Variants in CRTAC1 observed in about 807,000 individuals in gnomAD.
The protein encoded by CRTAC1 is acidic secreted protein in cartilage.
Under a neutral mutation model 67.8 loss-of-function variants are expected in CRTAC1, and 37 were observed. The observed-to-expected ratio is 0.55, with a 90% CI of 0.42 to 0.72. CRTAC1 has a LOEUF of 0.72. Ranked by LOEUF, CRTAC1 falls within the 30% of genes least tolerant of loss-of-function variation. The pLI, the probability that CRTAC1 is intolerant of heterozygous loss-of-function variation, is 0.00. For missense variants in CRTAC1, 780 were observed against 931.6 expected (o/e 0.84, Z 2.12); for synonymous variants, 348 against 371.0 (o/e 0.94, Z 0.71).
chr10:97,980,073 C>A (rs79741233), intron 2 of CRTAC1, among the ~76,000 whole-genome samples: 4,936 of 152,232 alleles, frequency 0.032, 102 homozygotes, highest in Non-Finnish European at 0.046. Context: ...TCTAGCTCTG[C>A]AGTTTAAAGC....
chr10:97,914,770 G>A (rs559848191), intron 5 of CRTAC1, among the ~76,000 whole-genome samples: 19 of 152,274 alleles, frequency 1.2e-4, no homozygotes, highest in Non-Finnish European at 2.2e-4. Flanking sequence ...GGCAGCTCCC[G>A]GCACTGTCCC....
intron 11 of CRTAC1, among the ~76,000 whole-genome samples, chr10:97,886,007 C>T (rs928324762): frequency 2.0e-5 from 3 of 152,106 alleles, no homozygotes; most frequent in Admixed American, 6.5e-5. Flanking sequence ...ATGGGGTGGA[C>T]GGTAGTTGGC....
intron 2 of CRTAC1, among the ~76,000 whole-genome samples, chr10:97,961,807 G>C (rs1318809382): frequency 2.0e-5 from 3 of 152,204 alleles, no homozygotes; most frequent in African/African-American, 7.2e-5. Context: ...GGCCACGGTG[G>C]GAGGATTGCT....
intron 2 of CRTAC1, among the ~76,000 whole-genome samples, chr10:97,951,275 G>A (rs1333967779): frequency 6.6e-6 from 1 of 152,194 alleles, no homozygotes; most frequent in African/African-American, 2.4e-5. Flanking sequence ...GCTAGTGGGG[G>A]TAGGACTGGC....
intron 14 of CRTAC1, among the ~76,000 whole-genome samples, chr10:97,872,698 G>A (rs1361412102): frequency 6.6e-6 from 1 of 152,192 alleles, no homozygotes; most frequent in African/African-American, 2.4e-5. Context: ...TCAGAGATGA[G>A]CGAGAGGCCT....
At chr10:97,900,433 T>C (rs1218765532) in intron 8 of CRTAC1, among the ~76,000 whole-genome samples, 3 of 152,168 alleles carry the variant, frequency 2.0e-5, no homozygotes, top group African/African-American at 7.2e-5. Flanking sequence ...AAACCTGTAT[T>C]TACTTGGACC....
intron 2 of CRTAC1, among the ~76,000 whole-genome samples, chr10:97,972,866 ATCAAT>A: frequency 6.6e-6 from 1 of 152,366 alleles, no homozygotes; most frequent in Admixed American, 6.5e-5. Context: ...GCCTTATTTC[ATCAAT>A]TCCAAGACAT....
chr10:98,009,867 C>T (rs1842873267), intron 2 of CRTAC1, among the ~76,000 whole-genome samples: 1 of 152,148 alleles, frequency 6.6e-6, no homozygotes, highest in African/African-American at 2.4e-5. Flanking sequence ...TATCTACTTA[C>T]TATTTACTTA....
At chr10:97,948,858 C>G (rs1206892652) in intron 2 of CRTAC1, among the ~76,000 whole-genome samples, 4 of 152,182 alleles carry the variant, frequency 2.6e-5, no homozygotes, top group Non-Finnish European at 4.4e-5. Context: ...GCAAACACTT[C>G]CTTCTTCACA....
At chr10:97,890,661 CTTTTCTTTCTTTTT>C (rs2050356584) in intron 11 of CRTAC1, among the ~76,000 whole-genome samples, 1 of 151,356 alleles carries the variant, frequency 6.6e-6, no homozygotes, top group Non-Finnish European at 1.5e-5. Flanking sequence ...TTTCTCTTTT[CTTTTCTTTCTTTTT>C]TTTTTTTTTG....
chr10:98,025,873 G>C (rs996579725), intron 1 of CRTAC1, among the ~76,000 whole-genome samples: 1 of 152,152 alleles, frequency 6.6e-6, no homozygotes, highest in Admixed American at 6.5e-5. Flanking sequence ...AATTATCCTG[G>C]GACCCATAAA....
intron 3 of CRTAC1, 77 bp downstream of exon 3, chr10:97,936,093 T>C: frequency 7.2e-7 from 1 of 1,381,380 alleles, no homozygotes; most frequent in East Asian, 2.4e-5. Flanking sequence ...AGGGCCAGGG[T>C]TCCCATGGCC....
chr10:97,931,905 C>G (rs2136608355), intron 3 of CRTAC1, among the ~76,000 whole-genome samples: 1 of 152,292 alleles, frequency 6.6e-6, no homozygotes, highest in South Asian at 2.1e-4. Flanking sequence ...GAGGTGTCAG[C>G]ACCTGTCTCT....
chr10:97,869,944 G>A (rs2050073449), intron 14 of CRTAC1: 1 of 152,266 alleles, frequency 6.6e-6, no homozygotes, highest in African/African-American at 2.4e-5. Context: ...ATAAGGCAAG[G>A]CAAACACCAC....
At chr10:97,956,353 AG>A (rs2051440602) in intron 2 of CRTAC1, among the ~76,000 whole-genome samples, 1 of 152,184 alleles carries the variant, frequency 6.6e-6, no homozygotes, top group Non-Finnish European at 1.5e-5. Flanking sequence ...GACTTCCCAA[AG>A]GTCACTGAGT....
chr10:97,904,960 C>T (rs1169339346), intron 6 of CRTAC1, 146 bp from the exon 7 acceptor site: 7 of 898,686 alleles, frequency 7.8e-6, no homozygotes, highest in Non-Finnish European at 1.1e-5. Context: ...TAGCTGCAGT[C>T]TCAGAAGCTC....
Position 97,950,246 on chromosome 10 carries a change from C to CAGAGAGAGAGAG in CRTAC1, c.225-13892_225-13881dup, listed in dbSNP as rs71007371. Among the ~76,000 whole-genome samples, 240 of 113,404 alleles carry CAGAGAGAGAGAG rather than the reference C, an allele frequency of 2.1e-3. 3 individuals carry two copies. Among genetic ancestry groups the CAGAGAGAGAGAG allele is most frequent in the Non-Finnish European group, 3.0e-3 (172 of 57,390 alleles). 74.4% of individuals were successfully genotyped at this position (113,404 alleles called of 152,430 possible). On this transcript the variant is annotated intron_variant, in intron 2 of 14. Transcript: ENST00000370597. ...TTGCATGTACGTGCACACACACACA[C>CAGAGAGAGAGAG]AGAGAGAGAGAGAGAGAGAGAGAGA...
chr10:97,986,816 GCTCTGACCCTTA>G (rs2051990167), intron 2 of CRTAC1, among the ~76,000 whole-genome samples: 1 of 152,318 alleles, frequency 6.6e-6, no homozygotes, highest in South Asian at 2.1e-4. Context: ...CCACCTCCCG[GCTCTGACCCTTA>G]CTAACTGGGT....
intron 11 of CRTAC1, among the ~76,000 whole-genome samples, chr10:97,888,842 G>A (rs936409064): frequency 1.3e-5 from 2 of 152,150 alleles, no homozygotes; most frequent in Non-Finnish European, 2.9e-5. Context: ...GCAGCAGTGA[G>A]TCACCTCTGG....
Sources: allele counts gnomAD v4.1 joint callset (sites outside exome capture counted in the v4.1 genomes callset), GRCh38; gene constraint gnomAD v4.1.1; transcripts MANE v1.5; gene names NCBI Gene and HGNC (gene_info 2026-07-23, HGNC 2026-07-21).